Variants in UNC79 observed in about 807,000 individuals in gnomAD.
UNC79 encodes the protein unc-79 subunit of NALCN channel complex, also known as protein unc-79 homolog.
Under a neutral mutation model 283.1 loss-of-function variants are expected in UNC79, and 37 were observed. That is an observed-to-expected ratio of 0.13 (90% CI 0.10 to 0.17). The LOEUF (loss-of-function observed/expected upper bound fraction) is 0.17. Among genes scored for constraint, UNC79 ranks in the 10% least tolerant of loss-of-function variants. UNC79 has a pLI of 1.00. For missense variants in UNC79, 2,272 were observed against 3,211.1 expected, an observed-to-expected ratio of 0.71 and a Z score of 7.07; for synonymous variants, 1,107 against 1,200.2, an observed-to-expected ratio of 0.92 and a Z score of 1.61.
intron 35 of UNC79, among the ~76,000 whole-genome samples, chr14:93,652,942 G>T (rs1443559455): frequency 1.3e-5 from 2 of 152,056 alleles, no homozygotes; most frequent in East Asian, 3.9e-4. Flanking sequence ...TTGTAAGTTC[G>T]GCGTTATTTT....
chr14:93,357,786 G>GAT (rs1264250691), intron 1 of UNC79, among the ~76,000 whole-genome samples: 4 of 98,186 alleles, frequency 4.1e-5, no homozygotes, highest in African/African-American at 1.5e-4. Context: ...TGGATATATG[G>GAT]ATATATATAT....
At position 93,650,586 on chromosome 14, in the gene UNC79, A is replaced by G. The variant is rs553005986; in HGVS notation, c.6084-3156A>G. Among the ~76,000 whole-genome samples the G allele has an allele frequency of 4.3e-4, 65 of 152,230 alleles. 1 individual carries two copies. Among genetic ancestry groups the G allele is most frequent in the African/African-American group, 1.5e-3 (62 of 41,564 alleles). ...TCAAGTGCTCATTGACCCATTGCGT[A>G]TATTCTTTTGAGAAGTGTCTGGTCA... On this transcript the variant is annotated intron_variant, in intron 35 of 48. Transcript: ENST00000555664.
At chr14:93,491,831 G>T (rs939155979) in intron 5 of UNC79, among the ~76,000 whole-genome samples, 1 of 152,130 alleles carries the variant, frequency 6.6e-6, no homozygotes, top group Admixed American at 6.5e-5. Context: ...ATCTTCATTT[G>T]TTCATGAGGA....
chr14:93,483,268 G>A (rs1180025765), intron 4 of UNC79, among the ~76,000 whole-genome samples: 1 of 152,006 alleles, frequency 6.6e-6, no homozygotes, highest in Non-Finnish European at 1.5e-5. Flanking sequence ...GTAGAATAGC[G>A]CTGTCTACAG....
exon 49 of UNC79, chr14:93,706,815 C>A (rs1307802521): frequency 1.9e-6 from 3 of 1,614,232 alleles, no homozygotes. Flanking sequence ...CCTGGCAGCC[C>A]TCCGAAAGTG....
chr14:93,542,557 A>T lies in UNC79; in HGVS notation c.1616A>T (p.Tyr539Phe), dbSNP rs370607086. The T allele has an allele frequency of 6.2e-6, 10 of 1,614,108 alleles. No individual in the cohort carries two copies. The Admixed American group carries it at 6.7e-5, about 11-fold the overall frequency. Residue 539 changes from tyrosine to phenylalanine, a missense_variant, in exon 14 of 49, where the codon TAT (tyrosine) becomes TTT (phenylalanine). By Grantham distance (22) the Tyr-to-Phe change is conservative (BLOSUM62 3). Around this residue, in one of 11 missense-constraint regions of UNC79, gnomAD observed 142 missense variants for 230.7 expected, o/e 0.62. Coordinates refer to ENST00000555664, the Ensembl canonical transcript of UNC79. ...TTTCAGTGGTTTCACTCCACTGCGT[A>T]TATGATGGATGATGAAGTGGGAAGT... is the stretch of plus-strand genomic sequence containing the variant.
At chr14:93,574,931 G>T (rs1566682912) in intron 16 of UNC79, 127 bp from the exon 17 acceptor site, 3 of 1,004,088 alleles carry the variant, frequency 3.0e-6, no homozygotes, top group East Asian at 5.4e-5. Flanking sequence ...TGTGTTGATA[G>T]AATACGTGTA....
intron 40 of UNC79, 77 bp from the exon 44 acceptor site, chr14:93,673,274 T>C (rs1596318478): frequency 2.3e-6 from 3 of 1,288,320 alleles, no homozygotes; most frequent in Non-Finnish European, 3.3e-6. Context: ...GTGAATTTTT[T>C]GGAAGCTCTT....
chr14:93,420,275 T>C (rs757716561), intron 1 of UNC79, among the ~76,000 whole-genome samples: 4 of 150,122 alleles, frequency 2.7e-5, no homozygotes, highest in Non-Finnish European at 5.9e-5. Flanking sequence ...TAGAAAACAA[T>C]ACTCCATGCC....
intron 27 of UNC79, among the ~76,000 whole-genome samples, chr14:93,615,348 C>G (rs1317333442): frequency 6.6e-6 from 1 of 152,114 alleles, no homozygotes; most frequent in Admixed American, 6.5e-5. Context: ...TCTCAGCTGT[C>G]ACTGTTTCAG....
chr14:93,591,408 T>C (rs2141917086), intron 22 of UNC79, among the ~76,000 whole-genome samples: 1 of 152,370 alleles, frequency 6.6e-6, no homozygotes, highest in South Asian at 2.1e-4. Flanking sequence ...TAGCTTACTG[T>C]TGACCAGAAG....
intron 1 of UNC79, chr14:93,334,749 A>G (rs1484405113): frequency 6.6e-6 from 1 of 152,354 alleles, no homozygotes; most frequent in East Asian, 1.9e-4. Context: ...GACTTTTCTT[A>G]TACTCACATT....
chr14:93,632,392 C>T (rs7145841), intron 31 of UNC79, among the ~76,000 whole-genome samples: 9,862 of 152,108 alleles, frequency 0.065, 622 homozygotes, highest in African/African-American at 0.16. Flanking sequence ...CTAATTTGTA[C>T]GAGTTATCTT....
chr14:93,463,427 C>A (rs1199689206), intron 1 of UNC79, among the ~76,000 whole-genome samples: 1 of 152,100 alleles, frequency 6.6e-6, no homozygotes, highest in Non-Finnish European at 1.5e-5. Context: ...AGAGGACTGT[C>A]GCTGGAGGGG....
intron 38 of UNC79, among the ~76,000 whole-genome samples, chr14:93,656,098 A>T (rs1486781488): frequency 6.6e-6 from 1 of 152,242 alleles, no homozygotes; most frequent in Non-Finnish European, 1.5e-5. Flanking sequence ...TGTGAGGATT[A>T]GAACTGAGGT....
intron 1 of UNC79, among the ~76,000 whole-genome samples, chr14:93,439,225 G>C (rs897682435): frequency 6.6e-6 from 1 of 151,858 alleles, no homozygotes; most frequent in African/African-American, 2.4e-5. Flanking sequence ...GATTGCATTG[G>C]TCAGTATCTC....
At chr14:93,507,325 A>T (rs572011764) in intron 7 of UNC79, among the ~76,000 whole-genome samples, 4 of 152,350 alleles carry the variant, frequency 2.6e-5, no homozygotes, top group Admixed American at 2.0e-4. Context: ...TAAAGTGTTT[A>T]TGCCATTTTA....
intron 1 of UNC79, among the ~76,000 whole-genome samples, chr14:93,349,465 A>G (rs1015556890): frequency 1.3e-5 from 2 of 152,162 alleles, no homozygotes; most frequent in Non-Finnish European, 1.5e-5. Context: ...TGGGGTTACA[A>G]TCTTCCTGGA....
intron 47 of UNC79, among the ~76,000 whole-genome samples, chr14:93,704,105 C>G (rs1312574578): frequency 1.3e-5 from 2 of 152,158 alleles, no homozygotes; most frequent in Non-Finnish European, 2.9e-5. Flanking sequence ...TGTGTGTGCT[C>G]CCACACTTCG....
Sources: gnomAD v4.1 joint callset for allele counts (sites outside exome capture counted in the v4.1 genomes callset) on GRCh38, gnomAD v4.1.1 for gene constraint, gnomAD v4.1.1 regional missense constraint, MANE v1.5 for transcripts, NCBI Gene and HGNC (gene_info 2026-07-23, HGNC 2026-07-21) for gene names.